Variants in BRPF1 observed in about 807,000 individuals in gnomAD.
BRPF1 encodes the protein bromodomain and PHD finger containing 1.
In BRPF1, 15 loss-of-function variants were observed where a neutral mutation model predicts 115.0. That is an observed-to-expected ratio of 0.13 (90% CI 0.09 to 0.20). BRPF1 has a LOEUF of 0.20. BRPF1 is among the 10% of genes least tolerant of loss of function. BRPF1 has a pLI of 1.00. For synonymous variants in BRPF1, 647 were observed against 619.8 expected (o/e 1.04, Z -0.65); for missense variants, 1,118 against 1,638.3 (o/e 0.68, Z 5.48).
At chr3:9,744,114 C>G in intron 8 of BRPF1, 110 bp from the exon 9 acceptor site, 1 of 1,377,978 alleles carries the variant, frequency 7.3e-7, no homozygotes, top group Non-Finnish European at 9.9e-7. Context: ...AATGATCTCC[C>G]CAACGTTAGC....
intron 2 of BRPF1, among the ~76,000 whole-genome samples, chr3:9,738,325 C>G (rs1368192702): frequency 6.6e-6 from 1 of 152,236 alleles, no homozygotes; most frequent in Non-Finnish European, 1.5e-5. Flanking sequence ...AACACTAACT[C>G]TATGGCTGTG....
Position 9,745,801 on chromosome 3 carries a change from T to A in BRPF1, c.3206-11T>A. On this transcript the variant is annotated splice_polypyrimidine_tract_variant and intron_variant, in intron 11 of 13. Transcript: ENST00000383829. This position sits in a 1 kb window ranked among gnomAD's most constrained non-coding sequence, Gnocchi z 5.1. ...CTGCTGATCCACCCCCTCTCCCCCA[T>A]TCCTGTGAAGTGGTAAGGAAGAGTC... 6.2e-7 allele frequency: 1 copy of A among 1,613,126 alleles called. No individual in the cohort carries two copies. Among genetic ancestry groups the A allele is most frequent in the Middle Eastern group, 1.7e-4 (1 of 6,056 alleles).
chr3:9,743,381 C>A lies in BRPF1; in HGVS notation c.2311+128C>A. 2.3e-6 allele frequency: 3 copies of A among 1,327,630 alleles called. No individual in the cohort carries two copies. The highest frequency in any genetic ancestry group is 1.0e-6 in the Non-Finnish European group (1 of 980,632). The allele number at this position is 1,327,630 out of a possible 1,614,324, so 82.2% of individuals were successfully genotyped here. A position where few individuals can be genotyped will look rare whatever the true frequency, so the allele number is the denominator to read the frequency against. ...AGGCTGAGCAGTGGCAAGCTATCCC[C>A]AGGAATGCTCCCCAAGAAGCCAGAC... On this transcript the variant is annotated intron_variant, in intron 7 of 13. Transcript: ENST00000383829. The surrounding 1 kb of genome is among the most constrained non-coding windows in gnomAD (Gnocchi z 6.1).
At position 9,741,394 on chromosome 3, in the gene BRPF1, G is replaced by C. The variant is rs879855511; in HGVS notation, c.1809G>C (p.Leu603=). The change falls in exon 5 of 14, where the codon CTG becomes CTC. Residue 603 remains leucine (L), a synonymous_variant. Transcript: ENST00000383829. The part of the protein sequence containing the change: ...RLRHDLERAR[L]LVELIRKREK... ...GGCATGACTTGGAGCGAGCTCGGCTGCTCGTGGAATTGATCCGCAAGCGGG... is the reference window on the plus strand; with the variant it reads ...GGCATGACTTGGAGCGAGCTCGGCTCCTCGTGGAATTGATCCGCAAGCGGG... 2.6e-5 allele frequency: 42 copies of C among 1,608,030 alleles called. No individual in the cohort carries two copies. Among genetic ancestry groups the C allele is most frequent in the Non-Finnish European group, 3.2e-5 (38 of 1,175,894 alleles).
intron 13 of BRPF1, among the ~76,000 whole-genome samples, chr3:9,746,823 C>T (rs1369694803): frequency 1.3e-5 from 2 of 152,138 alleles, no homozygotes; most frequent in Non-Finnish European, 2.9e-5. Flanking sequence ...TGTTCTGTCA[C>T]ATTTACACAT....
At position 9,739,771 on chromosome 3, in the gene BRPF1, G is replaced by C; in HGVS notation, c.1372G>C (p.Ala458Pro). 1 of 1,614,132 alleles carries C rather than the reference G, an allele frequency of 6.2e-7. No individual in the cohort carries two copies. The highest frequency in any genetic ancestry group is 8.5e-7 in the Non-Finnish European group (1 of 1,180,002). Residue 458 changes from alanine to proline, a missense_variant, in exon 3 of 14, where the codon GCC becomes CCC. Coordinates refer to ENST00000383829, the MANE Select transcript of BRPF1 (RefSeq NM_001003694.2). ...TPPGSARRLP[A>P]LSHSEGEEDE... Reference sequence around the variant, plus strand: ...TCCAGGTTCAGCACGCCGACTGCCTGCCCTGTCCCACAGCGAGGGTGAGGA... The same window carrying C: ...TCCAGGTTCAGCACGCCGACTGCCTCCCCTGTCCCACAGCGAGGGTGAGGA...
Position 9,743,813 on chromosome 3 carries a change from T to C in BRPF1, c.2547T>C (p.Gly849=), listed in dbSNP as rs763523870. The C allele has an allele frequency of 1.4e-5, 22 of 1,610,536 alleles. No individual in the cohort carries two copies. The highest frequency in any genetic ancestry group is 1.4e-5 in the Non-Finnish European group (17 of 1,177,628). Residue 849 remains glycine (G), a synonymous_variant, in exon 8 of 14, where the codon GGT becomes GGC. Transcript: ENST00000383829. The surrounding 1 kb of genome is among the most constrained non-coding windows in gnomAD (Gnocchi z 6.1). ...GPERHGPSSR[G]SLTPHPAACD... is the part of the protein sequence containing the mutation. ...AGCGGCATGGCCCCTCGAGCCGGGGTAGTCTGACACCCCACCCGGCAGCCT... is the reference window on the plus strand; with the variant it reads ...AGCGGCATGGCCCCTCGAGCCGGGGCAGTCTGACACCCCACCCGGCAGCCT...
intron 2 of BRPF1, among the ~76,000 whole-genome samples, chr3:9,735,171 C>T (rs1309144065): frequency 6.6e-6 from 1 of 151,936 alleles, no homozygotes; most frequent in African/African-American, 2.4e-5. Context: ...GCCACCATGC[C>T]CAGCTAGTTT....
chr3:9,737,122 G>A (rs1382318467), intron 2 of BRPF1, among the ~76,000 whole-genome samples: 3 of 152,152 alleles, frequency 2.0e-5, no homozygotes, highest in African/African-American at 4.8e-5. Flanking sequence ...GTCACCTTGG[G>A]GAAGAGGTAA....
In BRPF1 at chr3:9,746,408, C is replaced by T. The variant is rs2125516283; in HGVS notation, c.3433C>T (p.Arg1145Ter). The change falls in exon 13 of 14, where the codon CGA becomes TGA. Residue 1145 changes from arginine (R) to a stop codon, truncating the protein, a stop_gained. Coordinates refer to ENST00000383829, the MANE Select transcript of BRPF1 (RefSeq NM_001003694.2). LOFTEE classifies it high-confidence loss of function. ...KLGEQMTQEA[R>*]EHLYLVLFFD... The stretch of plus-strand genomic sequence containing the variant: ...TGGGGAGCAGATGACCCAGGAAGCC[C>T]GAGAGCATCTCTACCTCGTCCTCTT... 1 of 1,607,974 alleles carries T rather than the reference C, an allele frequency of 6.2e-7. No homozygotes were observed. Among genetic ancestry groups the T allele is most frequent in the Non-Finnish European group, 8.5e-7 (1 of 1,175,816 alleles).
rs12490032 is a variant in BRPF1 at position 9,739,725 on chromosome 3, C to T, written c.1326C>T (p.Ala442=). The part of the protein sequence containing the change: ...NGTSFSVRKT[A]YCDIHTPPGS... ...CCTCTTTCAGTGTCCGCAAGACAGC[C>T]TACTGCGACATCCACACGCCTCCAG... The change falls in exon 3 of 14, where the codon GCC becomes GCT. Residue 442 remains alanine, a synonymous_variant. Transcript: ENST00000383829. The T allele has an allele frequency of 1.4e-5, 22 of 1,613,914 alleles. No individual in the cohort carries two copies. The highest frequency in any genetic ancestry group is 1.8e-5 in the Non-Finnish European group (21 of 1,179,886).
chr3:9,742,207 G>C (rs749545282), intron 6 of BRPF1, 36 bp downstream of exon 6: 3 of 1,609,506 alleles, frequency 1.9e-6, no homozygotes, highest in South Asian at 2.2e-5. Context: ...CCTTCTCTCT[G>C]TTCCTCTCCC....
rs752007026 is a variant in BRPF1 at position 9,741,316 on chromosome 3, T to C, written c.1731T>C (p.Ser577=). 1 of 1,576,318 alleles carries C rather than the reference T, an allele frequency of 6.3e-7. No homozygotes were observed. The highest frequency in any genetic ancestry group is 1.9e-5 in the Admixed American group (1 of 53,938). The change falls in exon 5 of 14, where the codon TCT becomes TCC. Residue 577 remains serine, a synonymous_variant. Coordinates refer to ENST00000383829, the MANE Select transcript of BRPF1 (RefSeq NM_001003694.2). Reference sequence around the variant, plus strand: ...TCGTTTTGCCTCTACAGAGAGATTCTGAGGATAAGAACTGGGCCCTTAAAG... The same window carrying C: ...TCGTTTTGCCTCTACAGAGAGATTCCGAGGATAAGAACTGGGCCCTTAAAG... The part of the protein sequence containing the change: ...QRNCDQVGRD[S]EDKNWALKEQ...
At chr3:9,746,576 G>A in intron 13 of BRPF1, 122 bp downstream of exon 13, 1 of 1,247,104 alleles carries the variant, frequency 8.0e-7, no homozygotes, top group Non-Finnish European at 1.1e-6. Context: ...AGTGGGGGAG[G>A]GACTTAGAAC....
chr3:9,744,929 G>A, intron 9 of BRPF1, 79 bp from the exon 10 acceptor site: 3 of 1,590,732 alleles, frequency 1.9e-6, no homozygotes, highest in East Asian at 2.2e-5. Context: ...CAAGCTCCAA[G>A]TCCCTCTTAC....
rs372700895 is a variant in BRPF1, at chr3:9,734,015, G to T, written c.-10-116G>T. 6.1e-6 allele frequency: 9 copies of T among 1,485,296 alleles called. No homozygotes were observed. Among genetic ancestry groups the T allele is most frequent in the South Asian group, 1.4e-5 (1 of 72,294 alleles). 92.0% of individuals were successfully genotyped at this position (1,485,296 alleles called of 1,614,324 possible). ...GCATTTGGAGACACTGTAGAGGTAG[G>T]CTGGCCAGAATCTGGTGACTCCAAG... On this transcript the variant is annotated intron_variant, in intron 1 of 13. Transcript: ENST00000383829. The surrounding 1 kb of genome is among the most constrained non-coding windows in gnomAD (Gnocchi z 5.7).
rs1187926760 is a variant in BRPF1 at position 9,744,937 on chromosome 3, T to TA, written c.2921-70dup. ...GGGAACCCAAGCTCCAAGTCCCTCT[T>TA]ACCTCCATGTCATCTCTGATCTACA... On this transcript the variant is annotated intron_variant, in intron 9 of 13. Transcript: ENST00000383829. The TA allele has an allele frequency of 2.0e-5, 32 of 1,601,508 alleles. No individual in the cohort carries two copies. The Admixed American group carries it at 5.4e-4, about 27-fold the overall frequency.
chr3:9,732,626 G>C (rs1403162304), intron 1 of BRPF1: 1 of 152,298 alleles, frequency 6.6e-6, no homozygotes, highest in Non-Finnish European at 1.5e-5. Flanking sequence ...CCGGGACCCA[G>C]CTTGGAAAGA....
At position 9,743,970 on chromosome 3, in the gene BRPF1, C is replaced by T. The variant is rs1042623772; in HGVS notation, c.2635+69C>T. 2 of 1,477,020 alleles carry T rather than the reference C, an allele frequency of 1.4e-6. No homozygotes were observed. Among genetic ancestry groups the T allele is most frequent in the African/African-American group, 1.4e-5 (1 of 70,972 alleles). The allele number at this position is 1,477,020 out of a possible 1,614,324, so 91.5% of individuals were successfully genotyped here. On this transcript the variant is annotated intron_variant, in intron 8 of 13. Coordinates refer to ENST00000383829, the MANE Select transcript of BRPF1 (RefSeq NM_001003694.2). This position sits in a 1 kb window ranked among gnomAD's most constrained non-coding sequence, Gnocchi z 6.1. ...TTGGCTCTGCAGCACACACTCAACC[C>T]CTGCCATTCCCCAGGCAGAGGTCCC... is the stretch of plus-strand genomic sequence containing the variant.
Sources: allele counts gnomAD v4.1 joint callset (sites outside exome capture counted in the v4.1 genomes callset), GRCh38; gene constraint gnomAD v4.1.1; non-coding constraint Gnocchi (gnomAD v3.1); transcripts MANE v1.5; gene names NCBI Gene and HGNC (gene_info 2026-07-23, HGNC 2026-07-21).